Variants in DCAF10 observed in about 807,000 individuals in gnomAD.
DCAF10 encodes the protein DDB1 and CUL4 associated factor 10.
In DCAF10, 19 loss-of-function variants were observed where a neutral mutation model predicts 51.9. The ratio of observed to expected loss-of-function variants is 0.37; its 90% confidence interval spans 0.26 to 0.54. The LOEUF (loss-of-function observed/expected upper bound fraction) is 0.54, where lower values mean the gene tolerates loss of function less well. Ranked by LOEUF, DCAF10 falls within the 20% of genes least tolerant of loss-of-function variation. The pLI is 0.87. For missense variants in DCAF10, 510 were observed against 730.6 expected (o/e 0.70, Z 3.48); for synonymous variants, 291 against 297.1 (o/e 0.98, Z 0.21).
At chr9:37,824,512 T>C (rs1829797294) in intron 2 of DCAF10, among the ~76,000 whole-genome samples, 2 of 151,268 alleles carry the variant, frequency 1.3e-5, no homozygotes, top group African/African-American at 2.4e-5. Flanking sequence ...AAAGAGAATA[T>C]TGAAAACTTA....
chr9:37,862,663 C>T lies in DCAF10; in HGVS notation c.*1155C>T, dbSNP rs1831047823. The T allele has an allele frequency of 6.6e-6, 1 of 152,192 alleles. No individual in the cohort carries two copies. 9.4% of individuals were successfully genotyped at this position (152,192 alleles called of 1,614,324 possible). ...CCTTTGTGTTTTGTTATGAAACACG[C>T]AAGCATAAAGCAGGACTCAAGCACA... On this transcript the variant is annotated 3_prime_UTR_variant, in exon 7 of 7. Transcript: ENST00000377724.
In DCAF10 at chr9:37,860,036, C is replaced by T. The variant is rs1830966816; in HGVS notation, c.1166-12C>T. The T allele has an allele frequency of 6.2e-7, 1 of 1,613,808 alleles. No individual in the cohort carries two copies. On this transcript the variant is annotated splice_polypyrimidine_tract_variant and intron_variant, in intron 5 of 6. Transcript: ENST00000377724. ...AATACAAATCCCACATCCTCATTTT[C>T]TTATATCTCAGGAGTTTCACCACGA... is the stretch of plus-strand genomic sequence containing the variant.
chr9:37,859,141 G>A (rs1267464494), intron 5 of DCAF10, among the ~76,000 whole-genome samples: 2 of 152,194 alleles, frequency 1.3e-5, no homozygotes, highest in African/African-American at 2.4e-5. Flanking sequence ...GTAATTTAGA[G>A]CTTCACAGGT....
chr9:37,855,093 A>T, intron 4 of DCAF10, 111 bp downstream of exon 4: 1 of 1,000,596 alleles, frequency 1.0e-6, no homozygotes, highest in Non-Finnish European at 1.4e-6. Flanking sequence ...ACAGTTTTTT[A>T]AAAGGCATTC....
chr9:37,814,864 G>T (rs1217088633), intron 1 of DCAF10, among the ~76,000 whole-genome samples: 1 of 152,144 alleles, frequency 6.6e-6, no homozygotes, highest in Non-Finnish European at 1.5e-5. Context: ...TTCATTCCAT[G>T]ATGTTAGCAT....
chr9:37,846,547 C>T (rs986865421), intron 3 of DCAF10, among the ~76,000 whole-genome samples: 18 of 152,032 alleles, frequency 1.2e-4, no homozygotes, highest in Non-Finnish European at 2.5e-4. Context: ...ACCTCTGCTT[C>T]CCAGGTTCAA....
At chr9:37,846,224 AC>A (rs1233742870) in intron 3 of DCAF10, among the ~76,000 whole-genome samples, 4 of 152,238 alleles carry the variant, frequency 2.6e-5, no homozygotes, top group African/African-American at 9.6e-5. Context: ...ATAATTACCC[AC>A]ATTAACAGAT....
chr9:37,814,452 A>T (rs57786385), intron 1 of DCAF10, among the ~76,000 whole-genome samples: 1 of 145,854 alleles, frequency 6.9e-6, no homozygotes, highest in Non-Finnish European at 1.5e-5. Context: ...CTGGCCTTCA[A>T]TTTTTTTTTT....
intron 3 of DCAF10, among the ~76,000 whole-genome samples, chr9:37,850,960 T>A (rs933166366): frequency 3.3e-5 from 5 of 150,060 alleles, no homozygotes; most frequent in African/African-American, 1.2e-4. Context: ...CTCATTTTTT[T>A]AGGCCTGGTG....
At chr9:37,815,736 C>T (rs7849365) in intron 1 of DCAF10, among the ~76,000 whole-genome samples, 29,158 of 151,928 alleles carry the variant, frequency 0.19, 3,207 homozygotes, top group African/African-American at 0.29. Context: ...ATAGTAAGAT[C>T]GATTGATAAA....
intron 4 of DCAF10, 108 bp from the exon 5 acceptor site, chr9:37,857,133 G>A: frequency 1.3e-6 from 1 of 796,762 alleles, no homozygotes; most frequent in South Asian, 2.0e-5. Context: ...TGATATATGA[G>A]CATTTTTTCA....
Position 37,829,125 on chromosome 9 carries a change from T to C in DCAF10, c.653+9724T>C, listed in dbSNP as rs1230698486. Among the ~76,000 whole-genome samples the C allele has an allele frequency of 2.6e-5, 4 of 152,292 alleles. No individual in the cohort carries two copies. The highest frequency in any genetic ancestry group is 9.6e-5 in the African/African-American group (4 of 41,554). ...ATTAGTATATAAGATAATAGCCCTT[T>C]AGCAAAAGAGGCAGAGAATCACCTA... On this transcript the variant is annotated intron_variant, in intron 2 of 6. Coordinates refer to ENST00000377724, the MANE Select transcript of DCAF10 (RefSeq NM_024345.5). The surrounding 1 kb of genome is among the most constrained non-coding windows in gnomAD (Gnocchi z 4.2).
At chr9:37,849,323 G>A (rs976342954) in intron 3 of DCAF10, among the ~76,000 whole-genome samples, 2 of 152,158 alleles carry the variant, frequency 1.3e-5, no homozygotes, top group African/African-American at 2.4e-5. Context: ...TATATCAGGC[G>A]TTGGCAAACT....
intron 1 of DCAF10, among the ~76,000 whole-genome samples, chr9:37,809,093 GA>G (rs60046914): frequency 2.5e-3 from 247 of 97,892 alleles, no homozygotes; most frequent in East Asian, 4.1e-3. Context: ...CTGTCTCAAA[GA>G]AAAAAAAAAA....
intron 1 of DCAF10, among the ~76,000 whole-genome samples, chr9:37,802,611 G>A (rs1249503019): frequency 1.3e-5 from 2 of 152,102 alleles, no homozygotes; most frequent in African/African-American, 4.8e-5. Flanking sequence ...TAAGGAAGGA[G>A]CAAAGGAATA....
chr9:37,813,151 AGT>A (rs1829405862), intron 1 of DCAF10, among the ~76,000 whole-genome samples: 1 of 152,172 alleles, frequency 6.6e-6, no homozygotes, highest in Non-Finnish European at 1.5e-5. Context: ...CCCAGGCTGG[AGT>A]TCATTGGTGC....
At chr9:37,810,982 G>C (rs1000160190) in intron 1 of DCAF10, among the ~76,000 whole-genome samples, 1 of 152,010 alleles carries the variant, frequency 6.6e-6, no homozygotes, top group South Asian at 2.1e-4. Context: ...TCAGATTGCC[G>C]GCACCTCTAC....
chr9:37,801,605 G>GC lies in DCAF10; in HGVS notation c.539+201dup, dbSNP rs969561008. Among the ~76,000 whole-genome samples the GC allele has an allele frequency of 2.0e-5, 3 of 152,236 alleles. No individual in the cohort carries two copies. Among genetic ancestry groups the GC allele is most frequent in the African/African-American group, 7.2e-5 (3 of 41,470 alleles). ...CAGCCCAGCTTTTTGAGGCAGGCAGGCGGGGCCCCACTTGCTCGCCTTCAG... is the reference window on the plus strand; with the variant it reads ...CAGCCCAGCTTTTTGAGGCAGGCAGGCCGGGGCCCCACTTGCTCGCCTTCAG... On this transcript the variant is annotated intron_variant, in intron 1 of 6. Transcript: ENST00000377724. This position sits in a 1 kb window ranked among gnomAD's most constrained non-coding sequence, Gnocchi z 5.5.
intron 1 of DCAF10, among the ~76,000 whole-genome samples, chr9:37,810,146 C>G (rs545459549): frequency 6.6e-6 from 1 of 150,480 alleles, no homozygotes; most frequent in East Asian, 1.9e-4. Context: ...GAGCGAAACT[C>G]CATCTTAAAA....
Sources: allele counts gnomAD v4.1 joint callset (sites outside exome capture counted in the v4.1 genomes callset), GRCh38; gene constraint gnomAD v4.1.1; non-coding constraint Gnocchi (gnomAD v3.1); transcripts MANE v1.5; gene names NCBI Gene and HGNC (gene_info 2026-07-23, HGNC 2026-07-21).